SLC71A1: variants seen among roughly 807,000 people sequenced by gnomAD.
SLC71A1 encodes hippocampus abundant gene transcript 1.
At chr1:100,081,494 T>TC in the SLC71A1 span, among the ~76,000 whole-genome samples, 1 of 152,180 alleles carries the variant, frequency 6.6e-6, no homozygotes, top group African/African-American at 2.4e-5. Context: ...AACATCAGCC[T>TC]CCCGGGTAGC....
At chr1:100,068,224 A>G in the SLC71A1 span, 1 of 1,551,560 alleles carries the variant, frequency 6.4e-7, no homozygotes, top group African/African-American at 1.4e-5. Context: ...CTTCTCCTTG[A>G]TAAAAAAGTG....
At chr1:100,040,728 G>A in the SLC71A1 span, among the ~76,000 whole-genome samples, 1 of 152,114 alleles carries the variant, frequency 6.6e-6, no homozygotes, top group Admixed American at 6.6e-5. Context: ...CCAAAGTGCA[G>A]GGATTACAGG....
the SLC71A1 span, among the ~76,000 whole-genome samples, chr1:100,059,317 C>G: frequency 6.6e-6 from 1 of 151,262 alleles, no homozygotes; most frequent in East Asian, 1.9e-4. Flanking sequence ...TGCCACCACA[C>G]CCGGCTAATT....
chr1:100,071,432 T>C, the SLC71A1 span, among the ~76,000 whole-genome samples: 4 of 151,700 alleles, frequency 2.6e-5, no homozygotes, highest in East Asian at 7.7e-4. Context: ...AGTTGTCCCA[T>C]GGTACTCCAG....
the SLC71A1 span, among the ~76,000 whole-genome samples, chr1:100,050,195 C>T: frequency 6.6e-6 from 1 of 151,848 alleles, no homozygotes; most frequent in East Asian, 1.9e-4. Flanking sequence ...AGGGGGGTGG[C>T]GTGGAGGTGT....
At chr1:100,072,699 G>A in the SLC71A1 span, among the ~76,000 whole-genome samples, 1 of 152,074 alleles carries the variant, frequency 6.6e-6, no homozygotes, top group South Asian at 2.1e-4. Context: ...CCGGGTGTGG[G>A]CCAACCTTCC....
At chr1:100,040,418 A>G in the SLC71A1 span, among the ~76,000 whole-genome samples, 14 of 152,164 alleles carry the variant, frequency 9.2e-5, no homozygotes, top group South Asian at 2.9e-3. Flanking sequence ...TTGCTTATCT[A>G]CCTCTCTACT....
At chr1:100,057,240 C>T in the SLC71A1 span, among the ~76,000 whole-genome samples, 6 of 152,002 alleles carry the variant, frequency 3.9e-5, no homozygotes, top group Non-Finnish European at 8.8e-5. Context: ...AAATCTTTGC[C>T]CAGTCCAGTG....
chr1:100,047,298 A>T, the SLC71A1 span, among the ~76,000 whole-genome samples: 5 of 152,214 alleles, frequency 3.3e-5, no homozygotes, highest in Admixed American at 6.5e-5. Context: ...TTCATCATTA[A>T]TTGAAATGAT....
the SLC71A1 span, among the ~76,000 whole-genome samples, chr1:100,053,955 CATATT>C: frequency 7.9e-5 from 12 of 151,302 alleles, no homozygotes. Flanking sequence ...GATTATGTAA[CATATT>C]AGCTAAGTGA....
the SLC71A1 span, among the ~76,000 whole-genome samples, chr1:100,078,021 T>C: frequency 1.2e-4 from 19 of 152,356 alleles, no homozygotes; most frequent in South Asian, 1.0e-3. Flanking sequence ...CCAAGTTACT[T>C]GTTCTTTACA....
chr1:100,064,192 A>G, the SLC71A1 span, among the ~76,000 whole-genome samples: 6 of 152,186 alleles, frequency 3.9e-5, no homozygotes, highest in African/African-American at 7.2e-5. Flanking sequence ...CCCAGGCTGG[A>G]GTGCAGAGGT....
At chr1:100,064,001 C>T in the SLC71A1 span, among the ~76,000 whole-genome samples, 2 of 152,138 alleles carry the variant, frequency 1.3e-5, no homozygotes, top group African/African-American at 2.4e-5. Context: ...TTTCCCTTTC[C>T]CCACACTTGT....
the SLC71A1 span, chr1:100,078,592 T>G: frequency 8.5e-4 from 1,139 of 1,339,958 alleles, 2 homozygotes; most frequent in Non-Finnish European, 1.1e-3. Context: ...AAGTACAGAA[T>G]GTTCTAATCC....
chr1:100,080,436 C>G, the SLC71A1 span: 110 of 1,393,758 alleles, frequency 7.9e-5, no homozygotes, highest in African/African-American at 1.3e-3. Context: ...TGTACTGGTT[C>G]TAAGGTAGGG....
the SLC71A1 span, among the ~76,000 whole-genome samples, chr1:100,070,452 GTCC>G: frequency 6.6e-6 from 1 of 152,148 alleles, no homozygotes. Context: ...GGGCTTACAG[GTCC>G]TCATAAGACT....
chr1:100,069,104 G>A, the SLC71A1 span, among the ~76,000 whole-genome samples: 1 of 152,164 alleles, frequency 6.6e-6, no homozygotes, highest in African/African-American at 2.4e-5. Context: ...GGTATATTAA[G>A]ATATTTGGCT....
the SLC71A1 span, among the ~76,000 whole-genome samples, chr1:100,056,972 A>C: frequency 1.3e-5 from 2 of 152,182 alleles, no homozygotes; most frequent in Admixed American, 1.3e-4. Flanking sequence ...CACTTTGAGA[A>C]ATGTCTATTC....
At chr1:100,041,373 G>T in the SLC71A1 span, among the ~76,000 whole-genome samples, 1 of 152,146 alleles carries the variant, frequency 6.6e-6, no homozygotes, top group East Asian at 1.9e-4. Flanking sequence ...TATATTAGGT[G>T]TTTTTAACCT....
Sources: gnomAD v4.1 joint callset for allele counts (sites outside exome capture counted in the v4.1 genomes callset) on GRCh38, gnomAD v4.1.1 for gene constraint, MANE v1.5 for transcripts, NCBI Gene and HGNC (gene_info 2026-07-23, HGNC 2026-07-21) for gene names.